MYRFL: variants seen among roughly 807,000 people sequenced by gnomAD.
MYRFL encodes myelin regulatory factor-like protein.
In MYRFL, 88 loss-of-function variants were observed where a neutral mutation model predicts 109.4. The ratio of observed to expected loss-of-function variants is 0.80; its 90% CI spans 0.68 to 0.96. The LOEUF (loss-of-function observed/expected upper bound fraction) is 0.96. Ranked by LOEUF, MYRFL falls within the 40% of genes least tolerant of loss-of-function variation. MYRFL has a pLI of 0.00. For missense variants in MYRFL, 957 were observed against 954.9 expected (o/e 1.00, Z -0.03); for synonymous variants, 324 against 320.9 (o/e 1.01, Z -0.10).
chr12:69,875,107 A>G (rs761071124), intron 2 of MYRFL, among the ~76,000 whole-genome samples: 2 of 125,292 alleles, frequency 1.6e-5, no homozygotes, highest in African/African-American at 5.9e-5. Flanking sequence ...AAATTTAGGA[A>G]GATTTTGGCT....
chr12:69,860,521 C>A (rs1884584012), intron 2 of MYRFL, among the ~76,000 whole-genome samples: 1 of 151,964 alleles, frequency 6.6e-6, no homozygotes, highest in African/African-American at 2.4e-5. Context: ...TCTAATTGGA[C>A]AATTTCTGTC....
rs568855458 is a variant in MYRFL at position 69,918,437 on chromosome 12, G to A, written c.1602+7507G>A. Among the ~76,000 whole-genome samples the A allele has an allele frequency of 2.6e-5, 4 of 152,292 alleles. No individual in the cohort carries two copies. The South Asian group carries it at 8.3e-4, about 32-fold the overall frequency. On this transcript the variant is annotated intron_variant, in intron 13 of 24. Coordinates refer to ENST00000552032, the MANE Select transcript of MYRFL (RefSeq NM_182530.3). The stretch of plus-strand genomic sequence containing the variant: ...GGGGCAAGCACAGTGTCAAGTGAAC[G>A]AATAGGATCAATAAGGAAATGGGGA...
intron 1 of MYRFL, among the ~76,000 whole-genome samples, chr12:69,828,359 A>C (rs533943125): frequency 3.9e-5 from 6 of 152,250 alleles, no homozygotes; most frequent in African/African-American, 1.4e-4. Context: ...TTATTTATAA[A>C]TTCATTCTAT....
chr12:69,945,649 G>T (rs1955809610), intron 19 of MYRFL, among the ~76,000 whole-genome samples: 1 of 152,138 alleles, frequency 6.6e-6, no homozygotes, highest in South Asian at 2.1e-4. Flanking sequence ...TATTAAACCA[G>T]ATCAAGGCTC....
chr12:69,956,202 A>C (rs576859928), intron 22 of MYRFL, among the ~76,000 whole-genome samples: 72 of 147,390 alleles, frequency 4.9e-4, no homozygotes, highest in African/African-American at 1.4e-3. Context: ...AAAAAAAAAA[A>C]ACACATTCTG....
At position 69,879,472 on chromosome 12, in the gene MYRFL, A is replaced by G. The variant is rs1187698951; in HGVS notation, c.464+19A>G. On this transcript the variant is annotated intron_variant, in intron 4 of 24. Coordinates refer to ENST00000552032, the MANE Select transcript of MYRFL (RefSeq NM_182530.3). ...GCCCTGGGTAAAGAAAAAGATATTT[A>G]GTTATCAAAGACCTTTGCGGAAAGC... 1.4e-6 allele frequency: 1 copy of G among 694,660 alleles called. No individual in the cohort carries two copies. The highest frequency in any genetic ancestry group is 2.0e-5 in the Admixed American group (1 of 49,388). The allele number at this position is 694,660 out of a possible 1,614,324, so 43.0% of individuals were successfully genotyped here.
At position 69,910,063 on chromosome 12, in the gene MYRFL, C is replaced by G; in HGVS notation, c.1478C>G (p.Thr493Ser). 1 of 1,526,316 alleles carries G rather than the reference C, an allele frequency of 6.6e-7. No homozygotes were observed. Among genetic ancestry groups the G allele is most frequent in the East Asian group, 2.5e-5 (1 of 40,794 alleles). The allele number at this position is 1,526,316 out of a possible 1,614,324, so 94.5% of individuals were successfully genotyped here. A position where few individuals can be genotyped will look rare whatever the true frequency, so the allele number is the denominator to read the frequency against. ...TTTGCATCTGCAATGGGAATAAACA[C>G]TGCCCATCAAACAGGTACACACACA... ...PEFASAMGIN[T>S]AHQTGMIAQE... Residue 493 changes from threonine (T) to serine (S), a missense_variant, in exon 12 of 25, where the codon ACT (threonine) becomes AGT (serine). Thr to Ser is a moderately conservative substitution (Grantham distance 58, BLOSUM62 1). Coordinates refer to ENST00000552032, the MANE Select transcript of MYRFL (RefSeq NM_182530.3).
At chr12:69,867,015 G>A (rs1885055825) in intron 2 of MYRFL, among the ~76,000 whole-genome samples, 1 of 152,232 alleles carries the variant, frequency 6.6e-6, no homozygotes, top group Non-Finnish European at 1.5e-5. Flanking sequence ...CATTATTCAT[G>A]TATGAACATG....
chr12:69,906,507 A>G (rs755312708), intron 11 of MYRFL, among the ~76,000 whole-genome samples: 1 of 152,208 alleles, frequency 6.6e-6, no homozygotes, highest in Non-Finnish European at 1.5e-5. Flanking sequence ...TGAATACATC[A>G]GTCAAATTCT....
Position 69,936,454 on chromosome 12 carries a change from A to T in MYRFL, c.2046A>T (p.Ala682=). 1.3e-6 allele frequency: 2 copies of T among 1,534,938 alleles called. No individual in the cohort carries two copies. Among genetic ancestry groups the T allele is most frequent in the South Asian group, 2.4e-5 (2 of 83,866 alleles). ...PALLPTASSS[A]PNTSLVTTPA... ...TCCCCCCTGCCCAATGCCTTGCAGC[A>T]CCTAATACATCCCTGGTAACCACAC... Residue 682 remains alanine (A), a splice_region_variant and synonymous_variant, in exon 19 of 25, where the codon GCA becomes GCT. Coordinates refer to ENST00000552032, the MANE Select transcript of MYRFL (RefSeq NM_182530.3).
At chr12:69,958,193 T>C in intron 23 of MYRFL, 56 bp from the exon 24 acceptor site, 3 of 1,415,026 alleles carry the variant, frequency 2.1e-6, no homozygotes, top group Non-Finnish European at 9.6e-7. Flanking sequence ...CTGTACTCTT[T>C]CCTACTGACT....
At chr12:69,958,083 G>C (rs899144870) in intron 23 of MYRFL, 141 bp downstream of exon 23, 1 of 1,291,666 alleles carries the variant, frequency 7.7e-7, no homozygotes, top group Non-Finnish European at 1.0e-6. Flanking sequence ...TGCCTTCTAA[G>C]GCAACTTCTG....
chr12:69,871,214 A>G (rs1592731513), intron 2 of MYRFL, among the ~76,000 whole-genome samples: 1 of 146,812 alleles, frequency 6.8e-6, no homozygotes, highest in South Asian at 2.2e-4. Context: ...CCACTTTCCA[A>G]CTCTTTTTGG....
At chr12:69,934,073 A>G (rs569270682) in intron 16 of MYRFL, among the ~76,000 whole-genome samples, 41 of 152,310 alleles carry the variant, frequency 2.7e-4, no homozygotes, top group Non-Finnish European at 5.4e-4. Context: ...GATGCTGGAC[A>G]CAAATCATAA....
chr12:69,865,001 G>C (rs1884933347), intron 2 of MYRFL, among the ~76,000 whole-genome samples: 1 of 152,160 alleles, frequency 6.6e-6, no homozygotes, highest in Admixed American at 6.5e-5. Flanking sequence ...AAGACCTTTA[G>C]CTGTTTAGAA....
At position 69,879,086 on chromosome 12, in the gene MYRFL, C is replaced by T. The variant is rs1349502938; in HGVS notation, c.196C>T (p.Gln66Ter). The T allele has an allele frequency of 1.4e-6, 1 of 702,882 alleles. No homozygotes were observed. The highest frequency in any genetic ancestry group is 2.0e-5 in the Admixed American group (1 of 49,998). 43.5% of individuals were successfully genotyped at this position (702,882 alleles called of 1,614,324 possible). Residue 66 changes from glutamine (Q) to a stop codon, truncating the protein, a stop_gained, in exon 3 of 25, where the codon CAG (glutamine) becomes TAG (stop). Transcript: ENST00000552032. LOFTEE classifies it high-confidence loss of function. Reference sequence around the variant, plus strand: ...TGCATCCGACTCATGCTCTCCTCCGCAGGTCAAAGGTGAGTGCGATCCACC... The same window carrying T: ...TGCATCCGACTCATGCTCTCCTCCGTAGGTCAAAGGTGAGTGCGATCCACC... ...YSASDSCSPP[Q>*]VKGACYPTLR...
chr12:69,888,200 C>T (rs1360632685), intron 6 of MYRFL, among the ~76,000 whole-genome samples: 1 of 152,078 alleles, frequency 6.6e-6, no homozygotes, highest in Non-Finnish European at 1.5e-5. Context: ...CAAAGGAGAA[C>T]ACAGATGGTA....
chr12:69,932,496 A>G lies in MYRFL; in HGVS notation c.1831-17A>G, dbSNP rs1409142391. The G allele has an allele frequency of 6.6e-7, 1 of 1,518,872 alleles. No homozygotes were observed. Among genetic ancestry groups the G allele is most frequent in the Non-Finnish European group, 8.8e-7 (1 of 1,131,200 alleles). The allele number at this position is 1,518,872 out of a possible 1,614,324, so 94.1% of individuals were successfully genotyped here. A position where few individuals can be genotyped will look rare whatever the true frequency, so the allele number is the denominator to read the frequency against. ...AGTTGCTAATTTATCACTGCTCATTACTGAACCTTTTTATAGGTTTATTTT... is the reference window on the plus strand; with the variant it reads ...AGTTGCTAATTTATCACTGCTCATTGCTGAACCTTTTTATAGGTTTATTTT... On this transcript the variant is annotated splice_polypyrimidine_tract_variant and intron_variant, in intron 15 of 24. Transcript: ENST00000552032.
intron 14 of MYRFL, among the ~76,000 whole-genome samples, 199 bp downstream of exon 14, chr12:69,926,933 G>GTTTTTT (rs1491453128): frequency 6.4e-5 from 2 of 31,396 alleles, no homozygotes; most frequent in Non-Finnish European, 9.9e-5. Flanking sequence ...TCTGTTGCTG[G>GTTTTTT]TTTTTTTTTT....
Sources: gnomAD v4.1 joint callset for allele counts (sites outside exome capture counted in the v4.1 genomes callset) on GRCh38, gnomAD v4.1.1 for gene constraint, MANE v1.5 for transcripts, NCBI Gene and HGNC (gene_info 2026-07-23, HGNC 2026-07-21) for gene names.